HCN1: variants seen among roughly 807,000 people sequenced by gnomAD.
The protein encoded by HCN1 is hyperpolarization activated cyclic nucleotide gated potassium channel 1.
In HCN1, 13 loss-of-function variants were observed where a neutral mutation model predicts 78.9. The ratio of observed to expected loss-of-function variants is 0.16; its 90% CI spans 0.11 to 0.26. The LOEUF (loss-of-function observed/expected upper bound fraction) is 0.26. HCN1 is among the 10% of genes least tolerant of loss of function. HCN1 has a pLI of 1.00. For synonymous variants in HCN1, 552 were observed against 455.5 expected, an observed-to-expected ratio of 1.21 and a Z score of -2.70; for missense variants, 810 against 1,154.3, an observed-to-expected ratio of 0.70 and a Z score of 4.32.
intron 2 of HCN1, among the ~76,000 whole-genome samples, chr5:45,486,975 A>G (rs1741782225): frequency 6.6e-6 from 1 of 152,066 alleles, no homozygotes; most frequent in African/African-American, 2.4e-5. Context: ...TCTACTGCCT[A>G]ATTTTCACAA....
At chr5:45,282,378 T>C (rs2111870783) in intron 6 of HCN1, among the ~76,000 whole-genome samples, 1 of 152,294 alleles carries the variant, frequency 6.6e-6, no homozygotes. Flanking sequence ...TTGAAAAGTA[T>C]TAATTCAAAT....
chr5:45,551,642 T>C (rs985309017), intron 2 of HCN1, among the ~76,000 whole-genome samples: 3 of 151,986 alleles, frequency 2.0e-5, no homozygotes, highest in Non-Finnish European at 4.4e-5. Context: ...CGAAATTTCA[T>C]TGCTAAAGGA....
chr5:45,281,621 C>CTCTG (rs1745170358), intron 6 of HCN1, among the ~76,000 whole-genome samples: 1 of 120,878 alleles, frequency 8.3e-6, no homozygotes, highest in African/African-American at 3.1e-5. Flanking sequence ...CGGAGTCTCA[C>CTCTG]TCTGTTGCCG....
At chr5:45,299,482 C>T (rs1346024328) in intron 6 of HCN1, among the ~76,000 whole-genome samples, 1 of 151,690 alleles carries the variant, frequency 6.6e-6, no homozygotes, top group Non-Finnish European at 1.5e-5. Context: ...TTTTTTTCAA[C>T]ATACTGGTGA....
intron 4 of HCN1, among the ~76,000 whole-genome samples, chr5:45,394,393 A>G (rs1739643893): frequency 6.6e-6 from 1 of 152,138 alleles, no homozygotes; most frequent in Non-Finnish European, 1.5e-5. Context: ...AATTTTACCT[A>G]AATAAAAAGA....
chr5:45,665,133 T>G (rs1361207896), intron 1 of HCN1, among the ~76,000 whole-genome samples: 1 of 151,652 alleles, frequency 6.6e-6, no homozygotes, highest in Non-Finnish European at 1.5e-5. Flanking sequence ...AAATGATGAG[T>G]TCATGTACTT....
chr5:45,360,455 C>A (rs937576928), intron 4 of HCN1, among the ~76,000 whole-genome samples: 7 of 151,824 alleles, frequency 4.6e-5, no homozygotes, highest in Non-Finnish European at 1.0e-4. Context: ...GCAATTGAAG[C>A]CATAATTTCT....
Position 45,645,444 on chromosome 5 carries a change from C to G in HCN1, c.590G>C (p.Gly197Ala). ...LLDLIMNFRTGTVNEDSSEII... is the reference protein window; with the variant it reads ...LLDLIMNFRTATVNEDSSEII... Reference sequence around the variant, plus strand: ...TTCAGAACTGTCTTCATTGACAGTCCCAGTCCTAAAATTCATGATCAGGTC... The same window carrying G: ...TTCAGAACTGTCTTCATTGACAGTCGCAGTCCTAAAATTCATGATCAGGTC... The change falls in exon 2 of 8, where the codon GGG becomes GCG. Residue 197 changes from glycine to alanine, a missense_variant. Transcript: ENST00000303230. The G allele has an allele frequency of 6.2e-7, 1 of 1,613,624 alleles. No individual in the cohort carries two copies. The highest frequency in any genetic ancestry group is 8.5e-7 in the Non-Finnish European group (1 of 1,179,792).
At chr5:45,277,564 A>T (rs1579773643) in intron 6 of HCN1, among the ~76,000 whole-genome samples, 1 of 152,162 alleles carries the variant, frequency 6.6e-6, no homozygotes, top group Non-Finnish European at 1.5e-5. Context: ...ACTTTTGCAT[A>T]AAAAAACTAA....
chr5:45,684,599 G>A (rs150915644), intron 1 of HCN1, among the ~76,000 whole-genome samples: 84 of 152,286 alleles, frequency 5.5e-4, no homozygotes, highest in African/African-American at 1.7e-3. Context: ...GGTGGCTCAC[G>A]CCTGTAAACC....
intron 2 of HCN1, among the ~76,000 whole-genome samples, chr5:45,636,224 A>G (rs1253079847): frequency 6.6e-6 from 1 of 152,150 alleles, no homozygotes; most frequent in African/African-American, 2.4e-5. Flanking sequence ...CAACTGAGAT[A>G]ATTACTAGGA....
chr5:45,539,903 T>C (rs1038340910), intron 2 of HCN1, among the ~76,000 whole-genome samples: 1 of 135,840 alleles, frequency 7.4e-6, no homozygotes, highest in Non-Finnish European at 1.5e-5. Flanking sequence ...GGAAATCCCA[T>C]TGTTTTAAAT....
chr5:45,626,960 C>T (rs1170960833), intron 2 of HCN1, among the ~76,000 whole-genome samples: 2 of 150,894 alleles, frequency 1.3e-5, no homozygotes, highest in Non-Finnish European at 2.9e-5. Context: ...TATATATATA[C>T]ACACATGCCA....
intron 5 of HCN1, among the ~76,000 whole-genome samples, chr5:45,304,429 G>A (rs1054144573): frequency 5.9e-5 from 9 of 151,996 alleles, no homozygotes; most frequent in Admixed American, 5.2e-4. Context: ...TGTAATTCCA[G>A]CACTTTGGGA....
intron 2 of HCN1, among the ~76,000 whole-genome samples, chr5:45,631,942 A>G (rs529420303): frequency 2.0e-5 from 3 of 152,308 alleles, no homozygotes; most frequent in Non-Finnish European, 4.4e-5. Context: ...AGAGATTTAT[A>G]CTGGGTAGAA....
intron 1 of HCN1, among the ~76,000 whole-genome samples, chr5:45,692,406 A>C (rs914189226): frequency 1.3e-5 from 2 of 152,214 alleles, no homozygotes; most frequent in African/African-American, 4.8e-5. Context: ...CCATACTGTC[A>C]CTACAGAAAA....
chr5:45,589,816 T>G (rs750665703), intron 2 of HCN1, among the ~76,000 whole-genome samples: 21 of 152,188 alleles, frequency 1.4e-4, no homozygotes, highest in African/African-American at 2.9e-4. Flanking sequence ...TAATAGTTAA[T>G]TAAGTTCCTT....
chr5:45,314,691 C>G (rs1745939853), intron 5 of HCN1, among the ~76,000 whole-genome samples: 1 of 151,946 alleles, frequency 6.6e-6, no homozygotes, highest in Non-Finnish European at 1.5e-5. Context: ...CAGAGACACA[C>G]AGGCTCAAAA....
chr5:45,333,996 C>A (rs1464947540), intron 5 of HCN1, among the ~76,000 whole-genome samples: 5 of 151,700 alleles, frequency 3.3e-5, no homozygotes, highest in Non-Finnish European at 7.4e-5. Context: ...ATAATCAGGG[C>A]TTCTTGAGTT....
Sources: gnomAD v4.1 joint callset for allele counts (sites outside exome capture counted in the v4.1 genomes callset) on GRCh38, gnomAD v4.1.1 for gene constraint, MANE v1.5 for transcripts, NCBI Gene and HGNC (gene_info 2026-07-23, HGNC 2026-07-21) for gene names.